Variants in MYMK observed in about 807,000 individuals in gnomAD.
MYMK encodes the protein myomaker, myoblast fusion factor.
In MYMK, 16 loss-of-function variants were observed where a neutral mutation model predicts 22.4. The ratio of observed to expected loss-of-function variants is 0.72; its 90% confidence interval spans 0.48 to 1.09. MYMK has a LOEUF of 1.09. MYMK is among the 50% of genes least tolerant of loss of function. The pLI is 0.00. For missense variants in MYMK, 250 were observed against 295.6 expected (o/e 0.85, Z 1.13); for synonymous variants, 125 against 127.0 (o/e 0.98, Z 0.11).
rs550112792 is a variant in MYMK, at chr9:133,524,809, G to C, written c.36C>G (p.Thr12=). The C allele has an allele frequency of 3.7e-6, 6 of 1,613,652 alleles. No individual in the cohort carries two copies. Among genetic ancestry groups the C allele is most frequent in the South Asian group, 3.3e-5 (3 of 91,050 alleles). ...TGGGGAGGAAGGCCAGGCTGCTGAG[G>C]GTGGGCAGGAGCAGCTTGGCCACCA... is the stretch of plus-strand genomic sequence containing the variant. ...GTLVAKLLLP[T]LSSLAFLPTV... The change falls in exon 1 of 5, where the codon ACC becomes ACG. Residue 12 remains threonine, a synonymous_variant. Transcript: ENST00000339996.
At position 133,515,791 on chromosome 9, in the gene MYMK, C is replaced by T. The variant is rs1185430569; in HGVS notation, c.400-184G>A. ...GGCTTCTGCTGGACAGGGCCCTTCA[C>T]GGTGCGACCCAGCAGAGACCCCAGC... On this transcript the variant is annotated intron_variant, in intron 3 of 4. Coordinates refer to ENST00000339996, the MANE Select transcript of MYMK (RefSeq NM_001080483.3). This position sits in a 1 kb window ranked among gnomAD's most constrained non-coding sequence, Gnocchi z 5.8. Among the ~76,000 whole-genome samples the T allele has an allele frequency of 2.0e-5, 3 of 152,170 alleles. No individual in the cohort carries two copies. Among genetic ancestry groups the T allele is most frequent in the Non-Finnish European group, 4.4e-5 (3 of 68,016 alleles).
intron 1 of MYMK, among the ~76,000 whole-genome samples, chr9:133,522,720 A>G (rs1844715711): frequency 6.6e-6 from 1 of 152,208 alleles, no homozygotes. Context: ...CCCTGCGCTA[A>G]GGCCATGGGA....
chr9:133,521,136 T>C (rs1844698606), intron 1 of MYMK, among the ~76,000 whole-genome samples: 1 of 152,202 alleles, frequency 6.6e-6, no homozygotes, highest in Admixed American at 6.5e-5. Context: ...ACACCCACTT[T>C]CATGGCAATT....
In MYMK at chr9:133,518,862, C is replaced by A; in HGVS notation, c.399+12G>T. The A allele has an allele frequency of 2.5e-6, 4 of 1,608,596 alleles. No homozygotes were observed. On this transcript the variant is annotated intron_variant, in intron 3 of 4. Coordinates refer to ENST00000339996, the MANE Select transcript of MYMK (RefSeq NM_001080483.3). ...CTGGGTCCCCGTTCATCGAGGCTCGCGCAGTACGCACCCACTTTGCCGCGA... is the reference window on the plus strand; with the variant it reads ...CTGGGTCCCCGTTCATCGAGGCTCGAGCAGTACGCACCCACTTTGCCGCGA...
Position 133,515,485 on chromosome 9 carries a change from TG to T in MYMK, c.516+5del. ...GCACAGGACACCTCCCCGCTGGGCT[TG>T]GTACCTCAAAGAAGAAGCGTAGCAT... is the stretch of plus-strand genomic sequence containing the variant. On this transcript the variant is annotated splice_donor_5th_base_variant and intron_variant, in intron 4 of 4. Transcript: ENST00000339996. This position sits in a 1 kb window ranked among gnomAD's most constrained non-coding sequence, Gnocchi z 5.8. 2.5e-6 allele frequency: 4 copies of T among 1,597,710 alleles called. No individual in the cohort carries two copies. The highest frequency in any genetic ancestry group is 3.4e-6 in the Non-Finnish European group (4 of 1,165,396).
intron 1 of MYMK, 120 bp downstream of exon 1, chr9:133,524,590 T>A (rs1844737876): frequency 1.4e-6 from 2 of 1,474,502 alleles, no homozygotes; most frequent in Non-Finnish European, 1.9e-6. Context: ...CTGGGCCTGC[T>A]GTTTCATTTT....
At chr9:133,517,246 C>A (rs1844642757) in intron 3 of MYMK, among the ~76,000 whole-genome samples, 1 of 152,208 alleles carries the variant, frequency 6.6e-6, no homozygotes, top group Non-Finnish European at 1.5e-5. Flanking sequence ...CTTGGTCCAG[C>A]CCACTTATGC....
In MYMK at chr9:133,515,427, A is replaced by G; in HGVS notation, c.516+64T>C. The G allele has an allele frequency of 1.7e-6, 2 of 1,163,048 alleles. No individual in the cohort carries two copies. The highest frequency in any genetic ancestry group is 1.3e-5 in the South Asian group (1 of 77,696). The allele number at this position is 1,163,048 out of a possible 1,614,324, so 72.0% of individuals were successfully genotyped here. ...AGCGTGGGCACAGCCCTGGTATCCCAGCTGAGCAGAGCCATGCCGAGTGGG... is the reference window on the plus strand; with the variant it reads ...AGCGTGGGCACAGCCCTGGTATCCCGGCTGAGCAGAGCCATGCCGAGTGGG... On this transcript the variant is annotated intron_variant, in intron 4 of 4. Coordinates refer to ENST00000339996, the MANE Select transcript of MYMK (RefSeq NM_001080483.3). This position sits in a 1 kb window ranked among gnomAD's most constrained non-coding sequence, Gnocchi z 5.8.
chr9:133,515,445 C>T lies in MYMK; in HGVS notation c.516+46G>A, dbSNP rs1246515004. The T allele has an allele frequency of 1.1e-5, 15 of 1,328,978 alleles. No individual in the cohort carries two copies. The highest frequency in any genetic ancestry group is 1.8e-4 in the Middle Eastern group (1 of 5,462). 82.3% of individuals were successfully genotyped at this position (1,328,978 alleles called of 1,614,324 possible). A position where few individuals can be genotyped will look rare whatever the true frequency, so the allele number is the denominator to read the frequency against. ...GTATCCCAGCTGAGCAGAGCCATGC[C>T]GAGTGGGCTCTGGGGCACAGGACAC... On this transcript the variant is annotated intron_variant, in intron 4 of 4. Coordinates refer to ENST00000339996, the MANE Select transcript of MYMK (RefSeq NM_001080483.3). The surrounding 1 kb of genome is among the most constrained non-coding windows in gnomAD (Gnocchi z 5.8).
chr9:133,517,597 CG>C (rs1452808619), intron 3 of MYMK, among the ~76,000 whole-genome samples: 4 of 148,892 alleles, frequency 2.7e-5, no homozygotes, highest in Admixed American at 6.8e-5. Flanking sequence ...ACCCGGGAGG[CG>C]GAGGTTGCAG....
rs146129618 is a variant in MYMK at position 133,516,814 on chromosome 9, A to G, written c.400-1207T>C. On this transcript the variant is annotated intron_variant, in intron 3 of 4. Coordinates refer to ENST00000339996, the MANE Select transcript of MYMK (RefSeq NM_001080483.3). ...TCACACAGTGGGCCTGGCACTATTG[A>G]AAGGGCGCCATCACCCAACCCTCCC... Among the ~76,000 whole-genome samples the G allele has an allele frequency of 3.2e-4, 49 of 152,086 alleles. 1 individual carries two copies. The East Asian group carries it at 9.3e-3, about 29-fold the overall frequency.
At chr9:133,521,690 T>C (rs1844704933) in intron 1 of MYMK, among the ~76,000 whole-genome samples, 2 of 152,176 alleles carry the variant, frequency 1.3e-5, no homozygotes, top group African/African-American at 2.4e-5. Context: ...ACTGTTTACC[T>C]TGGGGACAGG....
Position 133,519,032 on chromosome 9 carries a change from C to G in MYMK, c.251-10G>C. On this transcript the variant is annotated splice_polypyrimidine_tract_variant and intron_variant, in intron 2 of 4. Coordinates refer to ENST00000339996, the MANE Select transcript of MYMK (RefSeq NM_001080483.3). ...TCGAAGTCGGCCAGTGCTGGAGGGG[C>G]CAGGGAGACACAGGGGGAGGTGAGT... is the stretch of plus-strand genomic sequence containing the variant. The G allele has an allele frequency of 6.2e-7, 1 of 1,613,458 alleles. No individual in the cohort carries two copies. The highest frequency in any genetic ancestry group is 8.5e-7 in the Non-Finnish European group (1 of 1,179,932).
intron 1 of MYMK, among the ~76,000 whole-genome samples, chr9:133,521,866 T>C (rs1440015893): frequency 1.3e-5 from 2 of 152,196 alleles, no homozygotes; most frequent in Non-Finnish European, 2.9e-5. Context: ...CAGATGGTCA[T>C]GTGTGATTAA....
intron 1 of MYMK, among the ~76,000 whole-genome samples, chr9:133,523,633 A>G (rs1423867624): frequency 1.3e-5 from 2 of 151,662 alleles, no homozygotes; most frequent in African/African-American, 4.9e-5. Flanking sequence ...CGAGATGGTA[A>G]TAGACGAATA....
chr9:133,522,343 C>CGGTG (rs1554808691), intron 1 of MYMK, among the ~76,000 whole-genome samples: 29,583 of 139,598 alleles, frequency 0.21, 3,367 homozygotes, highest in South Asian at 0.3. Flanking sequence ...GAGTGGCTGT[C>CGGTG]GGGGGGGGGC....
chr9:133,518,256 A>G (rs1372734260), intron 3 of MYMK, among the ~76,000 whole-genome samples: 1 of 152,190 alleles, frequency 6.6e-6, no homozygotes, highest in African/African-American at 2.4e-5. Flanking sequence ...CGGAGAGAGC[A>G]GGGAGCACTG....
rs1232880869 is a variant in MYMK at position 133,515,706 on chromosome 9, C to G, written c.400-99G>C. The G allele has an allele frequency of 9.4e-6, 7 of 744,812 alleles. No homozygotes were observed. The East Asian group carries it at 1.8e-4, about 19-fold the overall frequency. The allele number at this position is 744,812 out of a possible 1,614,324, so 46.1% of individuals were successfully genotyped here. On this transcript the variant is annotated intron_variant, in intron 3 of 4. Coordinates refer to ENST00000339996, the MANE Select transcript of MYMK (RefSeq NM_001080483.3). This position sits in a 1 kb window ranked among gnomAD's most constrained non-coding sequence, Gnocchi z 5.8. ...AGAGCTGGCCCTGCACAGGCTCACC[C>G]CAGCCCTCTCCCGGCAGGAGAGGAG...
chr9:133,520,349 G>A (rs1433129028), intron 1 of MYMK, 61 bp from the exon 2 acceptor site: 16 of 1,367,764 alleles, frequency 1.2e-5, no homozygotes, highest in African/African-American at 4.3e-5. Context: ...CCCGAGCCAC[G>A]GCCCCCAGAG....
Sources: allele counts gnomAD v4.1 joint callset (sites outside exome capture counted in the v4.1 genomes callset), GRCh38; gene constraint gnomAD v4.1.1; non-coding constraint Gnocchi (gnomAD v3.1); transcripts MANE v1.5; gene names NCBI Gene and HGNC (gene_info 2026-07-23, HGNC 2026-07-21).